Variants in PIGK observed in about 807,000 individuals in gnomAD.
PIGK encodes phosphatidylinositol glycan anchor biosynthesis class K, also known as GPI-anchor transamidase.
Under a neutral mutation model 50.6 loss-of-function variants are expected in PIGK, and 42 were observed. The ratio of observed to expected loss-of-function variants is 0.83; its 90% CI spans 0.65 to 1.07. The LOEUF (loss-of-function observed/expected upper bound fraction) is 1.07, where lower values mean the gene tolerates loss of function less well. Among genes scored for constraint, PIGK ranks in the 50% least tolerant of loss-of-function variants. The pLI is 0.00. For missense variants in PIGK, 448 were observed against 488.7 expected (o/e 0.92, Z 0.78); for synonymous variants, 151 against 156.0 (o/e 0.97, Z 0.24).
intron 10 of PIGK, among the ~76,000 whole-genome samples, chr1:77,103,268 C>G (rs1029519095): frequency 6.6e-6 from 1 of 151,886 alleles, no homozygotes; most frequent in Non-Finnish European, 1.5e-5. Flanking sequence ...GGGACAATAA[C>G]GATTCTCTTT....
At chr1:77,153,896 C>G (rs546738051) in intron 9 of PIGK, 1 of 152,524 alleles carries the variant, frequency 6.6e-6, no homozygotes, top group Non-Finnish European at 1.5e-5. Context: ...TAGCTATTGA[C>G]TGACCCATTA....
rs554968092 is a variant in PIGK at position 77,203,462 on chromosome 1, G to T, written c.239+3178C>A. 3.9e-5 allele frequency among the ~76,000 whole-genome samples: 6 copies of T among 152,216 alleles called. No individual in the cohort carries two copies. The East Asian group carries it at 1.2e-3, about 29-fold the overall frequency. On this transcript the variant is annotated intron_variant, in intron 3 of 10. Coordinates refer to ENST00000370812, the MANE Select transcript of PIGK (RefSeq NM_005482.3). The stretch of plus-strand genomic sequence containing the variant: ...AAAGTACAAAAACCTCACCTGCATG[G>T]AACTTAGATAAGAAACTGGTCATAC...
chr1:77,185,683 G>A (rs553309011), intron 3 of PIGK, among the ~76,000 whole-genome samples: 1 of 152,182 alleles, frequency 6.6e-6, no homozygotes, highest in African/African-American at 2.4e-5. Context: ...ACAGGAGAAG[G>A]CTCTGCAACA....
intron 3 of PIGK, among the ~76,000 whole-genome samples, chr1:77,203,118 G>T (rs1325225329): frequency 6.6e-6 from 1 of 152,126 alleles, no homozygotes; most frequent in Non-Finnish European, 1.5e-5. Context: ...AATAGTAATA[G>T]CACTGGAGGA....
chr1:77,133,208 A>G (rs987277775), intron 9 of PIGK, among the ~76,000 whole-genome samples: 5 of 151,972 alleles, frequency 3.3e-5, no homozygotes, highest in Admixed American at 6.6e-5. Context: ...TCTGTGCTTC[A>G]GTTTCAATAT....
intron 9 of PIGK, among the ~76,000 whole-genome samples, chr1:77,146,170 A>G (rs974865179): frequency 6.6e-6 from 1 of 152,096 alleles, no homozygotes; most frequent in Non-Finnish European, 1.5e-5. Flanking sequence ...CCCCTACCTC[A>G]CACAATACTC....
chr1:77,115,127 G>A (rs1418781951), intron 10 of PIGK, among the ~76,000 whole-genome samples: 1 of 152,148 alleles, frequency 6.6e-6, no homozygotes, highest in Non-Finnish European at 1.5e-5. Flanking sequence ...AATTGCAACA[G>A]TGGAACAACA....
intron 2 of PIGK, among the ~76,000 whole-genome samples, chr1:77,209,395 A>T (rs778734587): frequency 6.6e-6 from 1 of 152,150 alleles, no homozygotes; most frequent in Non-Finnish European, 1.5e-5. Flanking sequence ...AGAAGAAAAA[A>T]AAAGGGCCAA....
Position 77,161,405 on chromosome 1 carries a change from G to A in PIGK, c.703C>T (p.His235Tyr). The change falls in exon 8 of 11, where the codon CAT becomes TAT. Residue 235 changes from histidine to tyrosine, a missense_variant and splice_region_variant. By Grantham distance (83) the His-to-Tyr change is moderately conservative (BLOSUM62 2). Transcript: ENST00000370812. ...ACTCCAATTGCAGGATCAGGTTGATGCTATGGAAAGGGGGAAAAAAAGTAT... is the reference window on the plus strand; with the variant it reads ...ACTCCAATTGCAGGATCAGGTTGATACTATGGAAAGGGGGAAAAAAAGTAT... Reference protein sequence around the residue: ...SSQVGEDSLSHQPDPAIGVHL... With the variant: ...SSQVGEDSLSYQPDPAIGVHL... 6.6e-7 allele frequency: 1 copy of A among 1,507,044 alleles called. No homozygotes were observed. Among genetic ancestry groups the A allele is most frequent in the Non-Finnish European group, 9.2e-7 (1 of 1,082,694 alleles). 93.4% of individuals were successfully genotyped at this position (1,507,044 alleles called of 1,614,324 possible).
chr1:77,145,371 C>G (rs1654745936), intron 9 of PIGK, among the ~76,000 whole-genome samples: 1 of 151,696 alleles, frequency 6.6e-6, no homozygotes, highest in African/African-American at 2.4e-5. Flanking sequence ...TGGGTTGACC[C>G]CAAATCAATA....
rs767003397 is a variant in PIGK at position 77,207,197 on chromosome 1, C to T, written c.148-466G>A. Among the ~76,000 whole-genome samples, 11 of 152,104 alleles carry T rather than the reference C, an allele frequency of 7.2e-5. No homozygotes were observed. In the Middle Eastern group the frequency reaches 0.01, roughly 141 times the overall value. Reference sequence around the variant, plus strand: ...AAAAAGAATTGTCAGTAAAACTAATCGCTCCAAAGAGAAGTCTTTCATAAC... The same window carrying T: ...AAAAAGAATTGTCAGTAAAACTAATTGCTCCAAAGAGAAGTCTTTCATAAC... On this transcript the variant is annotated intron_variant, in intron 2 of 10. Coordinates refer to ENST00000370812, the MANE Select transcript of PIGK (RefSeq NM_005482.3).
intron 9 of PIGK, among the ~76,000 whole-genome samples, chr1:77,140,687 G>C (rs1225647160): frequency 1.3e-5 from 2 of 151,858 alleles, no homozygotes; most frequent in Non-Finnish European, 2.9e-5. Context: ...CAAAGAAATA[G>C]CAGAAAAACA....
intron 3 of PIGK, among the ~76,000 whole-genome samples, chr1:77,199,038 C>T (rs1056090095): frequency 6.6e-5 from 10 of 152,050 alleles, no homozygotes; most frequent in African/African-American, 2.2e-4. Context: ...GTATCAAAAT[C>T]TTCCTATCTA....
chr1:77,142,357 A>G (rs1376959616), intron 9 of PIGK, among the ~76,000 whole-genome samples: 1 of 152,184 alleles, frequency 6.6e-6, no homozygotes, highest in Non-Finnish European at 1.5e-5. Context: ...TTTAGATGGC[A>G]CACTTTTAAA....
chr1:77,131,266 A>T (rs1001937078), intron 9 of PIGK, among the ~76,000 whole-genome samples: 2 of 151,756 alleles, frequency 1.3e-5, no homozygotes. Flanking sequence ...CCATGTAATG[A>T]TCTTTTATCT....
chr1:77,101,592 A>G lies in PIGK; in HGVS notation c.1072-9102T>C, dbSNP rs183024430. Reference sequence around the variant, plus strand: ...TATAAAATACTCAAATATAAACATCATCTATTAAATGCCAATTCATTAATG... The same window carrying G: ...TATAAAATACTCAAATATAAACATCGTCTATTAAATGCCAATTCATTAATG... On this transcript the variant is annotated intron_variant, in intron 10 of 10. Coordinates refer to ENST00000370812, the MANE Select transcript of PIGK (RefSeq NM_005482.3). Among the ~76,000 whole-genome samples the G allele has an allele frequency of 2.7e-3, 418 of 152,352 alleles. 1 individual carries two copies. The highest frequency in any genetic ancestry group is 9.3e-3 in the African/African-American group (385 of 41,586).
intron 10 of PIGK, among the ~76,000 whole-genome samples, chr1:77,110,801 A>G (rs1385218321): frequency 2.0e-5 from 3 of 152,230 alleles, no homozygotes; most frequent in African/African-American, 7.2e-5. Context: ...AGCAAAAGAA[A>G]CTACTATCAG....
chr1:77,099,728 T>C, intron 10 of PIGK, among the ~76,000 whole-genome samples: 1 of 152,204 alleles, frequency 6.6e-6, no homozygotes, highest in African/African-American at 2.4e-5. Flanking sequence ...TTTGGCAGTA[T>C]AACTGCATTT....
intron 6 of PIGK, among the ~76,000 whole-genome samples, chr1:77,163,197 T>C (rs140292767): frequency 6.6e-6 from 1 of 152,342 alleles, no homozygotes; most frequent in African/African-American, 2.4e-5. Flanking sequence ...ATTTATTTTG[T>C]AGCATCATTG....
Sources: allele counts gnomAD v4.1 joint callset (sites outside exome capture counted in the v4.1 genomes callset), GRCh38; gene constraint gnomAD v4.1.1; transcripts MANE v1.5; gene names NCBI Gene and HGNC (gene_info 2026-07-23, HGNC 2026-07-21).